Variants in CYTH1 observed in about 807,000 individuals in gnomAD.
CYTH1 encodes the protein cytohesin-1.
Under a neutral mutation model 61.8 loss-of-function variants are expected in CYTH1, and 18 were observed. The observed-to-expected ratio is 0.29, with a 90% CI of 0.20 to 0.43. The LOEUF is 0.43. Among genes scored for constraint, CYTH1 ranks in the 20% least tolerant of loss-of-function variants. CYTH1 has a pLI of 1.00. For synonymous variants in CYTH1, 174 were observed against 184.3 expected, an observed-to-expected ratio of 0.94 and a Z score of 0.45; for missense variants, 336 against 510.5, an observed-to-expected ratio of 0.66 and a Z score of 3.29.
intron 11 of CYTH1, among the ~76,000 whole-genome samples, chr17:78,688,738 G>C (rs954165834): frequency 4.6e-5 from 7 of 152,168 alleles, no homozygotes; most frequent in African/African-American, 1.7e-4. Flanking sequence ...CTTGTCTTTT[G>C]ATGCAGGGTG....
chr17:78,675,842 G>T lies in CYTH1; in HGVS notation c.*249C>A. 1 of 1,443,604 alleles carries T rather than the reference G, an allele frequency of 6.9e-7. No homozygotes were observed. Among genetic ancestry groups the T allele is most frequent in the South Asian group, 1.5e-5 (1 of 66,644 alleles). 89.4% of individuals were successfully genotyped at this position (1,443,604 alleles called of 1,614,324 possible). ...GGCCAGGAGGCTGCCCTGCCGACAA[G>T]AGCTCTGCCCTGTGAGAGAGGAAGG... is the stretch of plus-strand genomic sequence containing the variant. On this transcript the variant is annotated 3_prime_UTR_variant, in exon 14 of 14. Coordinates refer to ENST00000446868, the MANE Select transcript of CYTH1 (RefSeq NM_004762.6).
rs769569463 is a variant in CYTH1, at chr17:78,680,178, GCAGT to G, written c.1118+8_1118+11del. The G allele has an allele frequency of 6.8e-6, 11 of 1,613,894 alleles. No individual in the cohort carries two copies. Among genetic ancestry groups the G allele is most frequent in the African/African-American group, 1.3e-5 (1 of 74,912 alleles). ...ACCAGGCGCGCACTGCCCTTTCTCA[GCAGT>G]CACTTACTTAATGCACTTAATCCAC... is the stretch of plus-strand genomic sequence containing the variant. On this transcript the variant is annotated splice_region_variant and intron_variant, in intron 13 of 13. Transcript: ENST00000446868.
intron 10 of CYTH1, among the ~76,000 whole-genome samples, chr17:78,693,458 C>T (rs923832655): frequency 1.3e-5 from 2 of 151,810 alleles, no homozygotes; most frequent in African/African-American, 4.8e-5. Context: ...CCCATCTCTA[C>T]TAAAAGTATA....
At chr17:78,721,753 G>T (rs753940765) in intron 1 of CYTH1, among the ~76,000 whole-genome samples, 2 of 152,110 alleles carry the variant, frequency 1.3e-5, no homozygotes, top group Admixed American at 6.5e-5. Flanking sequence ...CTTATAAAAG[G>T]AAGGTATTGG....
rs1299926802 is a variant in CYTH1, at chr17:78,708,258, G to T, written c.109C>A (p.Leu37Met). 2 of 1,612,150 alleles carry T rather than the reference G, an allele frequency of 1.2e-6. No individual in the cohort carries two copies. The highest frequency in any genetic ancestry group is 1.7e-6 in the Non-Finnish European group (2 of 1,179,534). ...KQELLADIQR[L>M]KDEIAEVANE... ...GCTACTTCTGCTATCTCATCCTTCA[G>T]CCTCTATAAAACAGACAGTCCAGAG... is the stretch of plus-strand genomic sequence containing the variant. Residue 37 changes from leucine to methionine, a missense_variant, in exon 3 of 14, where the codon CTG becomes ATG. Physicochemically the swap from Leu to Met is conservative, Grantham distance 15 (BLOSUM62 2). Around this residue, in one of 4 missense-constraint regions of CYTH1, gnomAD observed 112 missense variants for 127.1 expected, o/e 0.88. Transcript: ENST00000446868.
chr17:78,754,861 A>C (rs1021764318), intron 1 of CYTH1, among the ~76,000 whole-genome samples: 1 of 152,144 alleles, frequency 6.6e-6, no homozygotes, highest in African/African-American at 2.4e-5. Flanking sequence ...TCATTTGTAC[A>C]TTCCATTCCT....
chr17:78,707,745 A>G (rs1218387989), intron 3 of CYTH1, among the ~76,000 whole-genome samples: 1 of 148,412 alleles, frequency 6.7e-6, no homozygotes, highest in Non-Finnish European at 1.5e-5. Flanking sequence ...CAGTGGCGCG[A>G]TCTCAGCTCA....
At chr17:78,716,743 C>T (rs2144499720) in intron 1 of CYTH1, among the ~76,000 whole-genome samples, 1 of 152,348 alleles carries the variant, frequency 6.6e-6, no homozygotes, top group Middle Eastern at 3.4e-3. Context: ...CATTCTCATG[C>T]TGCCCCGGAC....
intron 1 of CYTH1, among the ~76,000 whole-genome samples, chr17:78,744,590 T>C (rs796519495): frequency 2.0e-5 from 3 of 152,284 alleles, no homozygotes; most frequent in African/African-American, 7.2e-5. Flanking sequence ...CTAAAAAACA[T>C]AGAGGTATAC....
At chr17:78,698,505 A>C in intron 8 of CYTH1, 125 bp from the exon 9 acceptor site, 1 of 771,202 alleles carries the variant, frequency 1.3e-6, no homozygotes, top group Non-Finnish European at 2.1e-6. Context: ...AGATGCTGAG[A>C]CTAGAAGATT....
At position 78,702,172 on chromosome 17, in the gene CYTH1, A is replaced by G; in HGVS notation, c.306T>C (p.Tyr102=). Residue 102 remains tyrosine (Y), a synonymous_variant, in exon 5 of 14, where the codon TAT becomes TAC. Coordinates refer to ENST00000446868, the MANE Select transcript of CYTH1 (RefSeq NM_004762.6). Reference sequence around the variant, plus strand: ...CTGTCTTGTTGAGCCCTTCGCCTTTATATAAGAACTGGGCAATGTCTTCAC... The same window carrying G: ...CTGTCTTGTTGAGCCCTTCGCCTTTGTATAAGAACTGGGCAATGTCTTCAC... The part of the protein sequence containing the change: ...NTCEDIAQFL[Y]KGEGLNKTAI... The G allele has an allele frequency of 6.2e-7, 1 of 1,614,158 alleles. No individual in the cohort carries two copies. Among genetic ancestry groups the G allele is most frequent in the Admixed American group, 1.7e-5 (1 of 60,022 alleles).
In CYTH1 at chr17:78,760,411, A is replaced by G. The variant is rs570516475; in HGVS notation, c.22+21791T>C. 8.8e-3 allele frequency among the ~76,000 whole-genome samples: 692 copies of G among 78,462 alleles called. 53 individuals are homozygous for G. Among genetic ancestry groups the G allele is most frequent in the African/African-American group, 0.032 (542 of 16,834 alleles). 51.5% of individuals were successfully genotyped at this position (78,462 alleles called of 152,430 possible). A position where few individuals can be genotyped will look rare whatever the true frequency, so the allele number is the denominator to read the frequency against. On this transcript the variant is annotated intron_variant, in intron 1 of 13. Transcript: ENST00000446868. ...CACACACATACATATATATATGTGTATATATATATATATACACATACATAT... is the reference window on the plus strand; with the variant it reads ...CACACACATACATATATATATGTGTGTATATATATATATACACATACATAT...
chr17:78,782,188 CG>C lies in CYTH1; in HGVS notation c.22+13del. The C allele has an allele frequency of 2.2e-6, 3 of 1,363,044 alleles. No homozygotes were observed. The highest frequency in any genetic ancestry group is 1.6e-5 in the South Asian group (1 of 64,308). 84.4% of individuals were successfully genotyped at this position (1,363,044 alleles called of 1,614,324 possible). On this transcript the variant is annotated intron_variant, in intron 1 of 13. Coordinates refer to ENST00000446868, the MANE Select transcript of CYTH1 (RefSeq NM_004762.6). The stretch of plus-strand genomic sequence containing the variant: ...ACAGCGAGGGGGAAGCGTCCGCCGC[CG>C]GGGCGCACTGACCGTAGCTGTCGTC...
intron 1 of CYTH1, among the ~76,000 whole-genome samples, chr17:78,771,645 T>C (rs1385170500): frequency 6.6e-6 from 1 of 151,638 alleles, no homozygotes; most frequent in Non-Finnish European, 1.5e-5. Flanking sequence ...GCAGGAGATT[T>C]GCTTGAACCA....
At chr17:78,677,991 G>A (rs2092718808) in intron 13 of CYTH1, 1 of 152,262 alleles carries the variant, frequency 6.6e-6, no homozygotes, top group African/African-American at 2.4e-5. Context: ...TCTGTGAAAT[G>A]GGGATAATCC....
At chr17:78,740,243 G>A (rs2093337141) in intron 1 of CYTH1, among the ~76,000 whole-genome samples, 1 of 152,138 alleles carries the variant, frequency 6.6e-6, no homozygotes, top group Admixed American at 6.5e-5. Flanking sequence ...GCCTGGAGCT[G>A]CTATCTTCTG....
chr17:78,722,707 C>T (rs748729585), intron 1 of CYTH1, among the ~76,000 whole-genome samples: 3 of 152,198 alleles, frequency 2.0e-5, no homozygotes, highest in Non-Finnish European at 4.4e-5. Context: ...TTTTTCTGTA[C>T]ATTGAAATAT....
In CYTH1 at chr17:78,746,483, T is replaced by C. The variant is rs1050653000; in HGVS notation, c.22+35719A>G. ...CGAGCTCCAAGACCCACAGTGACAGTGCGGCGACCGAGTTTCCTACTTCCT... is the reference window on the plus strand; with the variant it reads ...CGAGCTCCAAGACCCACAGTGACAGCGCGGCGACCGAGTTTCCTACTTCCT... On this transcript the variant is annotated intron_variant, in intron 1 of 13. Transcript: ENST00000446868. Among the ~76,000 whole-genome samples, 4 of 152,258 alleles carry C rather than the reference T, an allele frequency of 2.6e-5. No individual in the cohort carries two copies. In the East Asian group the frequency reaches 5.8e-4, roughly 22 times the overall value.
At chr17:78,688,746 GTGCT>G (rs1205381309) in intron 11 of CYTH1, among the ~76,000 whole-genome samples, 4 of 152,162 alleles carry the variant, frequency 2.6e-5, no homozygotes, top group Non-Finnish European at 5.9e-5. Flanking sequence ...TTGATGCAGG[GTGCT>G]TGGTCTCCAT....
Sources: allele counts gnomAD v4.1 joint callset (sites outside exome capture counted in the v4.1 genomes callset), GRCh38; gene constraint gnomAD v4.1.1; regional missense constraint gnomAD v4.1.1; transcripts MANE v1.5; gene names NCBI Gene and HGNC (gene_info 2026-07-23, HGNC 2026-07-21).